The following C12orf42 variants were observed in gnomAD, a reference collection of about 807,000 sequenced individuals.
C12orf42 encodes the protein chromosome 12 open reading frame 42.
C12orf42 carries 25 observed loss-of-function variants against 21.6 expected under a neutral mutation model. That is an observed-to-expected ratio of 1.16 (90% confidence interval 0.84 to 1.62). C12orf42 has a LOEUF of 1.62. C12orf42 is among the 40% of genes most tolerant of loss of function. C12orf42 has a pLI of 0.00. For synonymous variants in C12orf42, 174 were observed against 175.0 expected, an observed-to-expected ratio of 0.99 and a Z score of 0.05; for missense variants, 483 against 459.3, an observed-to-expected ratio of 1.05 and a Z score of -0.47.
intron 10 of C12orf42, among the ~76,000 whole-genome samples, chr12:103,247,554 C>A (rs1024331209): frequency 6.6e-6 from 1 of 152,032 alleles, no homozygotes; most frequent in African/African-American, 2.4e-5. Context: ...AAGTAAATTT[C>A]TGACCCTCTA....
At chr12:103,417,331 C>A (rs1468893416) in intron 2 of C12orf42, among the ~76,000 whole-genome samples, 2 of 152,182 alleles carry the variant, frequency 1.3e-5, no homozygotes, top group Non-Finnish European at 2.9e-5. Flanking sequence ...AATCCATCCC[C>A]TAAAATGACC....
chr12:103,122,807 A>G, the C12orf42 span, among the ~76,000 whole-genome samples: 108 of 152,234 alleles, frequency 7.1e-4, no homozygotes, highest in Non-Finnish European at 1.3e-3. Flanking sequence ...TCTTTTTACT[A>G]TGAATAAGTT....
chr12:103,202,208 C>T, the C12orf42 span, among the ~76,000 whole-genome samples: 4 of 152,192 alleles, frequency 2.6e-5, no homozygotes, highest in Admixed American at 1.3e-4. Flanking sequence ...AGAATCAGGA[C>T]GAGTAAAGGT....
chr12:103,106,355 G>T, the C12orf42 span, among the ~76,000 whole-genome samples: 27 of 151,956 alleles, frequency 1.8e-4, no homozygotes, highest in African/African-American at 6.3e-4. Flanking sequence ...AGAGTAGGCT[G>T]CAAGAAGCAA....
At chr12:103,508,657 T>A in the C12orf42 span, among the ~76,000 whole-genome samples, 1 of 152,180 alleles carries the variant, frequency 6.6e-6, no homozygotes, top group East Asian at 1.9e-4. Context: ...TGTTATTTAT[T>A]TATTTGCTGG....
intron 4 of C12orf42, chr12:103,367,894 C>T (rs1720653999): frequency 5.7e-6 from 2 of 352,532 alleles, no homozygotes; most frequent in African/African-American, 4.3e-5. Context: ...ATCAACTAAA[C>T]CTTTCAATGG....
chr12:103,365,369 T>C (rs2044507165), intron 4 of C12orf42, among the ~76,000 whole-genome samples: 1 of 152,038 alleles, frequency 6.6e-6, no homozygotes, highest in African/African-American at 2.4e-5. Context: ...GCCAACATAC[T>C]ACAGAACGAG....
At chr12:103,331,317 C>T (rs2041220046) in intron 4 of C12orf42, among the ~76,000 whole-genome samples, 1 of 152,190 alleles carries the variant, frequency 6.6e-6, no homozygotes, top group Non-Finnish European at 1.5e-5. Flanking sequence ...TTTCACACCA[C>T]CATAAAGTCA....
At chr12:103,197,687 G>A in the C12orf42 span, among the ~76,000 whole-genome samples, 3 of 152,192 alleles carry the variant, frequency 2.0e-5, no homozygotes, top group Non-Finnish European at 4.4e-5. Flanking sequence ...TCATCTGTCT[G>A]GCTGATGTTC....
At chr12:103,172,792 AAC>A in the C12orf42 span, among the ~76,000 whole-genome samples, 2 of 152,200 alleles carry the variant, frequency 1.3e-5, no homozygotes, top group African/African-American at 4.8e-5. Context: ...ATAGTATAAT[AAC>A]ACAATACTAA....
chr12:103,264,524 A>C (rs760824816), downstream of C12orf42, among the ~76,000 whole-genome samples: 2 of 152,124 alleles, frequency 1.3e-5, no homozygotes, highest in African/African-American at 2.4e-5. Context: ...GTCCCCTATA[A>C]ATATTTATTT....
intron 3 of C12orf42, among the ~76,000 whole-genome samples, chr12:103,395,692 T>C (rs916807281): frequency 2.6e-5 from 4 of 152,254 alleles, no homozygotes; most frequent in Non-Finnish European, 5.9e-5. Flanking sequence ...TTAAAAATAG[T>C]ACGAAAGCAT....
chr12:103,480,956 G>C (rs2138057558), intron 1 of C12orf42, among the ~76,000 whole-genome samples: 1 of 151,694 alleles, frequency 6.6e-6, no homozygotes, highest in East Asian at 1.9e-4. Flanking sequence ...TGCTTCATCT[G>C]TTAATTACTG....
At chr12:103,335,269 G>C (rs1038238789) in intron 4 of C12orf42, among the ~76,000 whole-genome samples, 1 of 152,210 alleles carries the variant, frequency 6.6e-6, no homozygotes, top group African/African-American at 2.4e-5. Flanking sequence ...ATTAGAGCCT[G>C]TGCTCAAGCA....
chr12:103,310,991 C>T (rs2038918941), intron 4 of C12orf42, among the ~76,000 whole-genome samples: 1 of 152,192 alleles, frequency 6.6e-6, no homozygotes, highest in South Asian at 2.1e-4. Flanking sequence ...GTACTTTATA[C>T]ACTTTCGCAT....
rs552627519 is a variant in C12orf42 at position 103,251,312 on chromosome 12, T to C, written c.*1366+12014A>G. ...ATCTCTACAAGCTTTGATTTGTCCG[T>C]TGACATCTCTTCCTCATGATGCTGG... On this transcript the variant is annotated intron_variant and NMD_transcript_variant, in intron 10 of 10. Transcript: ENST00000547347. Among the ~76,000 whole-genome samples the C allele has an allele frequency of 7.2e-5, 11 of 152,286 alleles. No individual in the cohort carries two copies. The South Asian group carries it at 2.3e-3, about 32-fold the overall frequency.
At chr12:103,363,852 C>A (rs552667643) in intron 4 of C12orf42, among the ~76,000 whole-genome samples, 1 of 152,102 alleles carries the variant, frequency 6.6e-6, no homozygotes, top group Admixed American at 6.5e-5. Context: ...AATACAGTTA[C>A]TATTAGATCT....
downstream of C12orf42, among the ~76,000 whole-genome samples, chr12:103,236,945 C>T (rs994243886): frequency 6.6e-6 from 1 of 152,150 alleles, no homozygotes; most frequent in Non-Finnish European, 1.5e-5. Context: ...AGCAGCATAT[C>T]GTAGGTAGGG....
At chr12:103,202,889 C>G in the C12orf42 span, among the ~76,000 whole-genome samples, 2 of 152,136 alleles carry the variant, frequency 1.3e-5, no homozygotes, top group Non-Finnish European at 2.9e-5. Flanking sequence ...ATCAGGTACA[C>G]CTGTATAGCT....
Sources: allele counts gnomAD v4.1 joint callset (sites outside exome capture counted in the v4.1 genomes callset), GRCh38; gene constraint gnomAD v4.1.1; transcripts MANE v1.5; gene names NCBI Gene and HGNC (gene_info 2026-07-23, HGNC 2026-07-21).